Variants in TFDP1 observed in about 807,000 individuals in gnomAD.
TFDP1 encodes the protein transcription factor Dp-1, also known as DRTF1-polypeptide 1.
A neutral mutation model predicts 48.0 loss-of-function variants in TFDP1; 6 were observed. That is an observed-to-expected ratio of 0.13 (90% CI 0.07 to 0.25). The LOEUF is 0.25. TFDP1 is among the 10% of genes least tolerant of loss of function. TFDP1 has a pLI of 1.00. For synonymous variants in TFDP1, 201 were observed against 211.6 expected (o/e 0.95, Z 0.44); for missense variants, 335 against 543.0 (o/e 0.62, Z 3.81).
chr13:113,608,125 C>T (rs749574315), intron 2 of TFDP1, among the ~76,000 whole-genome samples: 14 of 152,048 alleles, frequency 9.2e-5, no homozygotes, highest in Non-Finnish European at 1.6e-4. Context: ...CCGCAGGCAG[C>T]CGCTCTTCCT....
rs189092147 is a variant in TFDP1, at chr13:113,616,390, G to A, written c.79+5328G>A. On this transcript the variant is annotated intron_variant, in intron 3 of 11. Coordinates refer to ENST00000375370, the MANE Select transcript of TFDP1 (RefSeq NM_007111.5). ...TTTTGTTATTTGCTGCCGTTTTCTC[G>A]TAGAGTGCTCATGATTTTTAACATA... 1.9e-3 allele frequency among the ~76,000 whole-genome samples: 293 copies of A among 152,148 alleles called. 1 individual carries two copies. Among genetic ancestry groups the A allele is most frequent in the Middle Eastern group, 3.4e-3 (1 of 294 alleles).
In TFDP1 at chr13:113,639,987, C is replaced by T. The variant is rs373976779; in HGVS notation, c.1086-133C>T. On this transcript the variant is annotated intron_variant, in intron 11 of 11. Coordinates refer to ENST00000375370, the MANE Select transcript of TFDP1 (RefSeq NM_007111.5). The stretch of plus-strand genomic sequence containing the variant: ...TGCTGTAGTGCAGACACTCAGCCTC[C>T]CCGTTCTGTTTGTGTGACTGACAAA... 1.4e-5 allele frequency: 9 copies of T among 658,824 alleles called. No homozygotes were observed. The East Asian group carries it at 2.5e-4, about 18-fold the overall frequency. 40.8% of individuals were successfully genotyped at this position (658,824 alleles called of 1,614,324 possible).
intron 2 of TFDP1, among the ~76,000 whole-genome samples, chr13:113,601,792 T>C (rs2048434704): frequency 1.3e-5 from 2 of 151,726 alleles, no homozygotes; most frequent in African/African-American, 4.8e-5. Flanking sequence ...TCCGCAGGAG[T>C]TGATGGGGGA....
intron 10 of TFDP1, 135 bp from the exon 11 acceptor site, chr13:113,637,683 C>T (rs1385322020): frequency 1.3e-6 from 2 of 1,555,138 alleles, no homozygotes; most frequent in East Asian, 4.8e-5. Context: ...GTGGAAAATA[C>T]TGGACAAGCG....
At chr13:113,586,911 C>T (rs1462538245) in intron 2 of TFDP1, among the ~76,000 whole-genome samples, 2 of 152,210 alleles carry the variant, frequency 1.3e-5, no homozygotes, top group Admixed American at 6.5e-5. Flanking sequence ...TGTGCTTGTC[C>T]GTACCATGCC....
At position 113,598,301 on chromosome 13, in the gene TFDP1, T is replaced by C. The variant is rs187738374; in HGVS notation, c.12+12452T>C. Among the ~76,000 whole-genome samples, 6 of 152,348 alleles carry C rather than the reference T, an allele frequency of 3.9e-5. No individual in the cohort carries two copies. In the East Asian group the frequency reaches 1.2e-3, roughly 29 times the overall value. On this transcript the variant is annotated intron_variant, in intron 2 of 11. Transcript: ENST00000375370. This position sits in a 1 kb window ranked among gnomAD's most constrained non-coding sequence, Gnocchi z 4.2. ...GATGTATGGGTTTTCCAGGCAGTTT[T>C]GCATTTGTGCCTGTTGTAGACTAGA...
intron 2 of TFDP1, among the ~76,000 whole-genome samples, chr13:113,600,430 G>T (rs1390711423): frequency 6.6e-6 from 1 of 151,202 alleles, no homozygotes; most frequent in Non-Finnish European, 1.5e-5. Flanking sequence ...AGGACTGTGA[G>T]AGAGAACCCT....
chr13:113,599,853 C>T (rs1419200303), intron 2 of TFDP1, among the ~76,000 whole-genome samples: 3 of 145,812 alleles, frequency 2.1e-5, no homozygotes, highest in Non-Finnish European at 3.0e-5. Flanking sequence ...AACCCAGGAC[C>T]GTGAAAGAGA....
chr13:113,634,548 G>C lies in TFDP1; in HGVS notation c.633G>C (p.Arg211Ser), dbSNP rs751543362. ...TGTTTTTGAAGGTGGAAAGACAGAGGAGACTTGAAAGAATAAAACAGAAAC... is the reference window on the plus strand; with the variant it reads ...TGTTTTTGAAGGTGGAAAGACAGAGCAGACTTGAAAGAATAAAACAGAAAC... ...ECQNLEVERQ[R>S]RLERIKQKQS... The change falls in exon 8 of 12, where the codon AGG becomes AGC. Residue 211 changes from arginine to serine, a missense_variant. Physicochemically the swap from Arg to Ser is moderately radical, Grantham distance 110. Transcript: ENST00000375370. 28 of 1,613,596 alleles carry C rather than the reference G, an allele frequency of 1.7e-5. No individual in the cohort carries two copies. In the South Asian group the frequency reaches 3.1e-4, roughly 18 times the overall value.
chr13:113,631,956 C>T, intron 5 of TFDP1: 6 of 599,594 alleles, frequency 1.0e-5, no homozygotes, highest in African/African-American at 1.9e-5. Flanking sequence ...GGGCTGGGCA[C>T]CGCCCACCCC....
chr13:113,610,410 C>T (rs980615455), intron 2 of TFDP1, among the ~76,000 whole-genome samples: 7 of 151,702 alleles, frequency 4.6e-5, no homozygotes, highest in African/African-American at 2.4e-5. Flanking sequence ...TCATACGTGC[C>T]CCCACTTTGT....
chr13:113,628,536 C>A (rs73577486), intron 4 of TFDP1, among the ~76,000 whole-genome samples: 1 of 152,212 alleles, frequency 6.6e-6, no homozygotes, highest in African/African-American at 2.4e-5. Context: ...CTTTCAGCCC[C>A]TGCCTGCCTC....
At chr13:113,631,464 A>G (rs1176179736) in intron 4 of TFDP1, among the ~76,000 whole-genome samples, 159 bp from the exon 5 acceptor site, 1 of 152,120 alleles carries the variant, frequency 6.6e-6, no homozygotes, top group African/African-American at 2.4e-5. Flanking sequence ...TCACCGTGAC[A>G]AAAGCGTCCA....
intron 2 of TFDP1, among the ~76,000 whole-genome samples, chr13:113,595,832 C>T (rs367629967): frequency 1.7e-4 from 26 of 152,236 alleles, no homozygotes; most frequent in Non-Finnish European, 2.6e-4. Flanking sequence ...CCTGTAATCC[C>T]AGCACTTTGG....
rs146399418 is a variant in TFDP1, at chr13:113,615,745, A to G, written c.79+4683A>G. On this transcript the variant is annotated intron_variant, in intron 3 of 11. Transcript: ENST00000375370. The stretch of plus-strand genomic sequence containing the variant: ...AACGGGAGACCCCATCTCTATAAAA[A>G]ATTTTAAAAAAAAGTAGCCAAGCAT... Among the ~76,000 whole-genome samples, 276 of 152,308 alleles carry G rather than the reference A, an allele frequency of 1.8e-3. 1 individual carries two copies. The highest frequency in any genetic ancestry group is 6.2e-3 in the African/African-American group (259 of 41,556).
chr13:113,634,061 G>A, intron 7 of TFDP1, 28 bp downstream of exon 7: 4 of 1,614,028 alleles, frequency 2.5e-6, no homozygotes, highest in Non-Finnish European at 3.4e-6. Context: ...CTTCAACCTT[G>A]ATTTCCCTTC....
chr13:113,592,520 T>C (rs2048170729), intron 2 of TFDP1, among the ~76,000 whole-genome samples: 1 of 152,224 alleles, frequency 6.6e-6, no homozygotes, highest in Non-Finnish European at 1.5e-5. Context: ...GAAAACCTTG[T>C]GTGTCCCCTG....
Position 113,593,909 on chromosome 13 carries a change from T to C in TFDP1, c.12+8060T>C, listed in dbSNP as rs1240838098. 1.5e-3 allele frequency among the ~76,000 whole-genome samples: 174 copies of C among 116,684 alleles called. No homozygotes were observed. The Middle Eastern group carries it at 0.024, about 16-fold the overall frequency. The allele number at this position is 116,684 out of a possible 152,430, so 76.5% of individuals were successfully genotyped here. On this transcript the variant is annotated intron_variant, in intron 2 of 11. Coordinates refer to ENST00000375370, the MANE Select transcript of TFDP1 (RefSeq NM_007111.5). Reference sequence around the variant, plus strand: ...CTGTCCAGGTGACAGGTGTGGTGTGTGCGGGTCCTCAGCCGTGCCCAGGTG... The same window carrying C: ...CTGTCCAGGTGACAGGTGTGGTGTGCGCGGGTCCTCAGCCGTGCCCAGGTG...
chr13:113,641,452 C>T lies in TFDP1; in HGVS notation c.*1185C>T, dbSNP rs907395641. 3 of 152,204 alleles carry T rather than the reference C, an allele frequency of 2.0e-5. No individual in the cohort carries two copies. The highest frequency in any genetic ancestry group is 4.4e-5 in the Non-Finnish European group (3 of 68,042). 9.4% of individuals were successfully genotyped at this position (152,204 alleles called of 1,614,324 possible). A position where few individuals can be genotyped will look rare whatever the true frequency, so the allele number is the denominator to read the frequency against. On this transcript the variant is annotated 3_prime_UTR_variant, in exon 12 of 12. Transcript: ENST00000375370. ...GCACTGTTAGTTTTTATTAATAAAA[C>T]GCGCATGGGCATTTTAAACAAGCTG...
Sources: gnomAD v4.1 joint callset for allele counts (sites outside exome capture counted in the v4.1 genomes callset) on GRCh38, gnomAD v4.1.1 for gene constraint, Gnocchi (gnomAD v3.1) non-coding constraint, MANE v1.5 for transcripts, NCBI Gene and HGNC (gene_info 2026-07-23, HGNC 2026-07-21) for gene names.